DPP10: variants seen among roughly 807,000 people sequenced by gnomAD.
DPP10 encodes the protein dipeptidyl peptidase like 10.
DPP10 carries 33 observed loss-of-function variants against 120.9 expected under a neutral mutation model. That is an observed-to-expected ratio of 0.27 (90% CI 0.21 to 0.37). DPP10 has a LOEUF of 0.37. Among genes scored for constraint, DPP10 ranks in the 10% least tolerant of loss-of-function variants. The pLI is 1.00. For synonymous variants in DPP10, 337 were observed against 326.1 expected, an observed-to-expected ratio of 1.03 and a Z score of -0.36; for missense variants, 816 against 942.8, an observed-to-expected ratio of 0.87 and a Z score of 1.76.
intron 1 of DPP10, among the ~76,000 whole-genome samples, chr2:115,128,631 TA>T (rs1347792834): frequency 2.0e-5 from 3 of 152,228 alleles, no homozygotes; most frequent in African/African-American, 7.2e-5. Flanking sequence ...AGAACATGTG[TA>T]GTCTCCTGCT....
At chr2:115,151,896 T>C (rs924195716) in intron 1 of DPP10, among the ~76,000 whole-genome samples, 14 of 152,100 alleles carry the variant, frequency 9.2e-5, no homozygotes, top group Middle Eastern at 3.4e-3. Context: ...TCCTTTAAAG[T>C]GTTATTTTTG....
At chr2:114,973,453 A>G (rs908764730) in intron 1 of DPP10, among the ~76,000 whole-genome samples, 35 of 151,922 alleles carry the variant, frequency 2.3e-4, no homozygotes, top group Admixed American at 1.0e-3. Context: ...CGAGGTCAGG[A>G]GATCGAGACC....
intron 1 of DPP10, among the ~76,000 whole-genome samples, chr2:115,112,085 C>T (rs1423289534): frequency 6.6e-6 from 1 of 152,102 alleles, no homozygotes; most frequent in Non-Finnish European, 1.5e-5. Context: ...AGAAGATGTG[C>T]CTTCCCTTCT....
At chr2:115,478,417 C>A (rs2075226171) in intron 3 of DPP10, among the ~76,000 whole-genome samples, 1 of 152,170 alleles carries the variant, frequency 6.6e-6, no homozygotes, top group African/African-American at 2.4e-5. Context: ...CTAAGTGAAT[C>A]TATCACTTAA....
intron 1 of DPP10, among the ~76,000 whole-genome samples, chr2:115,248,282 G>A (rs990511796): frequency 1.3e-5 from 2 of 152,164 alleles, no homozygotes; most frequent in African/African-American, 4.8e-5. Flanking sequence ...GAGAAGGGCT[G>A]GCAGAGGCAT....
intron 1 of DPP10, among the ~76,000 whole-genome samples, chr2:114,594,551 C>T (rs1691744334): frequency 1.5e-5 from 2 of 135,790 alleles, no homozygotes; most frequent in African/African-American, 5.3e-5. Flanking sequence ...ATTATATATA[C>T]ATATATTATG....
rs2105922297 is a variant in DPP10 at position 115,290,336 on chromosome 2, A to T, written c.61-18903A>T. On this transcript the variant is annotated intron_variant, in intron 1 of 25. Coordinates refer to ENST00000410059, the MANE Select transcript of DPP10 (RefSeq NM_020868.6). Reference sequence around the variant, plus strand: ...CTTTCAATGTTCAAGTTACCTTGAAATGTGTCCAAAATTAAGATGGATTAA... The same window carrying T: ...CTTTCAATGTTCAAGTTACCTTGAATTGTGTCCAAAATTAAGATGGATTAA... Among the ~76,000 whole-genome samples the T allele has an allele frequency of 2.0e-5, 3 of 152,262 alleles. No individual in the cohort carries two copies. In the South Asian group the frequency reaches 6.2e-4, roughly 32 times the overall value.
At chr2:114,585,190 A>G (rs1222523312) in intron 1 of DPP10, among the ~76,000 whole-genome samples, 8 of 152,172 alleles carry the variant, frequency 5.3e-5, no homozygotes, top group African/African-American at 1.9e-4. Flanking sequence ...ACTCTAGGGA[A>G]GAGACCGCTT....
At chr2:114,492,812 T>G (rs1448749707) in intron 1 of DPP10, among the ~76,000 whole-genome samples, 1 of 152,192 alleles carries the variant, frequency 6.6e-6, no homozygotes, top group African/African-American at 2.4e-5. Context: ...TCATTTGAGA[T>G]AGAGAAATAG....
chr2:114,863,337 C>T (rs1689972522), intron 1 of DPP10, among the ~76,000 whole-genome samples: 1 of 152,080 alleles, frequency 6.6e-6, no homozygotes, highest in Admixed American at 6.5e-5. Context: ...TCTAGGAATC[C>T]CTTTCCTAAA....
chr2:115,055,613 T>C (rs2105363859), intron 1 of DPP10, among the ~76,000 whole-genome samples: 1 of 152,280 alleles, frequency 6.6e-6, no homozygotes, highest in South Asian at 2.1e-4. Flanking sequence ...AAAATTAATA[T>C]CTCATGAGCA....
At chr2:114,736,900 GT>G (rs1351043781) in intron 1 of DPP10, among the ~76,000 whole-genome samples, 1 of 152,140 alleles carries the variant, frequency 6.6e-6, no homozygotes. Context: ...TAGTGGGTTA[GT>G]TTTTTAACTG....
chr2:115,358,486 C>T (rs185526506), intron 3 of DPP10, among the ~76,000 whole-genome samples: 5 of 152,286 alleles, frequency 3.3e-5, no homozygotes, highest in Admixed American at 2.0e-4. Flanking sequence ...CAAACTTTCT[C>T]ACATCTGTCT....
At chr2:115,379,186 C>T (rs1384612931) in intron 3 of DPP10, among the ~76,000 whole-genome samples, 1 of 152,120 alleles carries the variant, frequency 6.6e-6, no homozygotes, top group Non-Finnish European at 1.5e-5. Flanking sequence ...TGGTCCTGGA[C>T]TTTTTTTGGT....
At chr2:115,758,980 G>A (rs906134035) in intron 11 of DPP10, among the ~76,000 whole-genome samples, 1 of 152,006 alleles carries the variant, frequency 6.6e-6, no homozygotes, top group Non-Finnish European at 1.5e-5. Context: ...CAGTGTTCTA[G>A]GGGAAAATAT....
At chr2:115,544,875 C>T (rs1022293357) in intron 5 of DPP10, among the ~76,000 whole-genome samples, 1 of 151,934 alleles carries the variant, frequency 6.6e-6, no homozygotes, top group East Asian at 1.9e-4. Flanking sequence ...TATTTTGGTT[C>T]GTATTTTCTG....
intron 1 of DPP10, among the ~76,000 whole-genome samples, chr2:115,298,839 G>A (rs1277667311): frequency 6.6e-6 from 1 of 152,018 alleles, no homozygotes; most frequent in South Asian, 2.1e-4. Context: ...CTAAGGCATT[G>A]TCTAAATAGG....
intron 5 of DPP10, among the ~76,000 whole-genome samples, chr2:115,654,126 T>A (rs899568556): frequency 4.0e-5 from 6 of 151,866 alleles, no homozygotes; most frequent in Non-Finnish European, 8.8e-5. Flanking sequence ...TTTTCTTGAA[T>A]CTAGGAATGA....
At chr2:114,975,486 G>T (rs1196684972) in intron 1 of DPP10, among the ~76,000 whole-genome samples, 1 of 152,072 alleles carries the variant, frequency 6.6e-6, no homozygotes, top group African/African-American at 2.4e-5. Flanking sequence ...CTTCAACTAG[G>T]GGCTATGCAC....
Sources: gnomAD v4.1 joint callset for allele counts (sites outside exome capture counted in the v4.1 genomes callset) on GRCh38, gnomAD v4.1.1 for gene constraint, MANE v1.5 for transcripts, NCBI Gene and HGNC (gene_info 2026-07-23, HGNC 2026-07-21) for gene names.